The following BRDT variants were observed in gnomAD, a reference collection of about 807,000 sequenced individuals.
BRDT encodes the protein bromodomain testis associated, also known as bromodomain testis-specific protein.
BRDT carries 77 observed loss-of-function variants against 113.9 expected under a neutral mutation model. The observed-to-expected ratio is 0.68, with a 90% CI of 0.56 to 0.82. The LOEUF (loss-of-function observed/expected upper bound fraction) is 0.82, where lower values mean the gene tolerates loss of function less well. BRDT is among the 40% of genes least tolerant of loss of function. BRDT has a pLI of 0.00. For synonymous variants in BRDT, 358 were observed against 366.5 expected (o/e 0.98, Z 0.26); for missense variants, 1,027 against 1,105.4 (o/e 0.93, Z 1.01).
In BRDT at chr1:91,968,147, C is replaced by T; in HGVS notation, c.332C>T (p.Pro111Leu). The change falls in exon 4 of 19, where the codon CCT becomes CTT. Residue 111 changes from proline to leucine, a missense_variant and splice_region_variant. Pro to Leu is a moderately conservative substitution (Grantham distance 98). Transcript: ENST00000399546. The stretch of plus-strand genomic sequence containing the variant: ...TGGTATATTTAATATATTTTGTAGC[C>T]TGGAGATGACATTGTTCTTATGGCA... ...MFSNCYLYNK[P>L]GDDIVLMAQA... 1 of 1,613,590 alleles carries T rather than the reference C, an allele frequency of 6.2e-7. No individual in the cohort carries two copies. Among genetic ancestry groups the T allele is most frequent in the Non-Finnish European group, 8.5e-7 (1 of 1,179,806 alleles).
intron 2 of BRDT, among the ~76,000 whole-genome samples, chr1:91,963,157 C>G (rs1400104682): frequency 6.6e-6 from 1 of 152,120 alleles, no homozygotes; most frequent in Non-Finnish European, 1.5e-5. Flanking sequence ...GACCCCGTCT[C>G]TACTAAAAAT....
intron 3 of BRDT, among the ~76,000 whole-genome samples, chr1:91,965,492 T>G (rs1476961219): frequency 1.3e-5 from 2 of 152,184 alleles, no homozygotes; most frequent in Non-Finnish European, 2.9e-5. Context: ...TATGGACCCC[T>G]GGCCATAACC....
At chr1:91,978,097 A>T in intron 6 of BRDT, 71 bp from the exon 7 acceptor site, 2 of 1,378,638 alleles carry the variant, frequency 1.5e-6, no homozygotes, top group South Asian at 2.7e-5. Flanking sequence ...TAATATGAAC[A>T]TTTAATGTAC....
At chr1:91,967,557 C>T (rs1683199979) in intron 3 of BRDT, among the ~76,000 whole-genome samples, 1 of 152,184 alleles carries the variant, frequency 6.6e-6, no homozygotes, top group African/African-American at 2.4e-5. Context: ...CACCACCACG[C>T]CTGGCTAATT....
chr1:91,953,858 A>G (rs543981883), intron 1 of BRDT, among the ~76,000 whole-genome samples: 1 of 152,316 alleles, frequency 6.6e-6, no homozygotes, highest in East Asian at 1.9e-4. Context: ...GTTTTTGAAC[A>G]GTTGTAATGA....
At chr1:91,987,521 A>G (rs1685363907) in intron 12 of BRDT, among the ~76,000 whole-genome samples, 1 of 151,738 alleles carries the variant, frequency 6.6e-6, no homozygotes, top group East Asian at 2.0e-4. Flanking sequence ...ATTTTTTAGT[A>G]GAGACGGGGT....
chr1:91,968,050 C>T (rs1399553512), intron 3 of BRDT, 96 bp from the exon 4 acceptor site: 16 of 1,240,078 alleles, frequency 1.3e-5, no homozygotes, highest in Non-Finnish European at 1.8e-5. Flanking sequence ...TCTAGGAGTA[C>T]TATGTTACTG....
At position 91,981,025 on chromosome 1, in the gene BRDT, G is replaced by A. The variant is rs1388713302; in HGVS notation, c.1597G>A (p.Val533Ile). Residue 533 changes from valine (V) to isoleucine (I), a missense_variant, in exon 10 of 19, where the codon GTA (valine) becomes ATA (isoleucine). Val to Ile is a conservative substitution (Grantham distance 29, BLOSUM62 3). Transcript: ENST00000399546. Reference protein sequence around the residue: ...NKLPGDKLGRVVHIIQSREPS... With the variant: ...NKLPGDKLGRIVHIIQSREPS... ...ACTCCCTGGAGATAAACTTGGGCGAGTAGTTCACATAATACAATCAAGAGA... is the reference window on the plus strand; with the variant it reads ...ACTCCCTGGAGATAAACTTGGGCGAATAGTTCACATAATACAATCAAGAGA... The A allele has an allele frequency of 6.2e-7, 1 of 1,613,948 alleles. No homozygotes were observed. Among genetic ancestry groups the A allele is most frequent in the Non-Finnish European group, 8.5e-7 (1 of 1,180,016 alleles).
intron 1 of BRDT, among the ~76,000 whole-genome samples, chr1:91,958,772 G>C (rs1250090635): frequency 6.6e-6 from 1 of 152,106 alleles, no homozygotes; most frequent in Non-Finnish European, 1.5e-5. Flanking sequence ...TGTAGAAAAT[G>C]AGGCGGGGAA....
intron 18 of BRDT, among the ~76,000 whole-genome samples, chr1:92,013,237 A>T (rs1458876599): frequency 2.7e-5 from 4 of 150,206 alleles, no homozygotes; most frequent in South Asian, 2.1e-4. Flanking sequence ...AAAAAAGATT[A>T]AAAAAAATGT....
intron 12 of BRDT, among the ~76,000 whole-genome samples, chr1:91,988,591 G>C (rs1226007550): frequency 1.3e-5 from 2 of 151,790 alleles, no homozygotes; most frequent in Non-Finnish European, 2.9e-5. Context: ...GGTAGGCGGG[G>C]GGTTTCACCA....
intron 1 of BRDT, among the ~76,000 whole-genome samples, chr1:91,956,859 C>T (rs553871227): frequency 4.6e-5 from 7 of 152,250 alleles, no homozygotes; most frequent in East Asian, 1.9e-4. Context: ...GGATTGCTTG[C>T]GCCCAGGAGT....
chr1:91,964,308 A>G (rs1428390137), intron 2 of BRDT, among the ~76,000 whole-genome samples: 3 of 152,098 alleles, frequency 2.0e-5, no homozygotes, highest in Non-Finnish European at 4.4e-5. Context: ...TGATCCACCC[A>G]CCTTGGCCTC....
At chr1:91,976,149 AGTATCCTATGC>A in intron 4 of BRDT, 106 bp from the exon 5 acceptor site, 1 of 965,974 alleles carries the variant, frequency 1.0e-6, no homozygotes, top group Non-Finnish European at 1.4e-6. Flanking sequence ...AAATGAAATA[AGTATCCTATGC>A]TTATATTGCT....
intron 1 of BRDT, among the ~76,000 whole-genome samples, chr1:91,957,304 T>TAAC: frequency 6.6e-6 from 1 of 152,180 alleles, no homozygotes; most frequent in African/African-American, 2.4e-5. Context: ...CCATCCTGGC[T>TAAC]AACACGGTGA....
Position 91,964,722 on chromosome 1 carries a change from A to C in BRDT, c.288A>C (p.Glu96Asp). 1 of 1,513,582 alleles carries C rather than the reference A, an allele frequency of 6.6e-7. No individual in the cohort carries two copies. Among genetic ancestry groups the C allele is most frequent in the Non-Finnish European group, 9.0e-7 (1 of 1,110,646 alleles). The allele number at this position is 1,513,582 out of a possible 1,614,324, so 93.8% of individuals were successfully genotyped here. The part of the protein sequence containing the change: ...KYYAKASECI[E>D]DFNTMFSNCY... ...ATGCGAAGGCTTCAGAATGTATAGA[A>C]GACTTCAATACAATGTTCTCAAATT... is the stretch of plus-strand genomic sequence containing the variant. The change falls in exon 3 of 19, where the codon GAA becomes GAC. Residue 96 changes from glutamate (E) to aspartate (D), a missense_variant. Physicochemically the swap from Glu to Asp is conservative, Grantham distance 45. Transcript: ENST00000399546.
chr1:91,958,371 A>T (rs1374429086), intron 1 of BRDT, among the ~76,000 whole-genome samples: 2 of 151,800 alleles, frequency 1.3e-5, no homozygotes, highest in Non-Finnish European at 2.9e-5. Flanking sequence ...GTTCACTGCC[A>T]TGCCCGGCTA....
At chr1:91,968,577 A>G (rs574800821) in intron 4 of BRDT, among the ~76,000 whole-genome samples, 1 of 152,310 alleles carries the variant, frequency 6.6e-6, no homozygotes, top group Non-Finnish European at 1.5e-5. Context: ...TGCTGTACTG[A>G]TAAGAATGCC....
intron 1 of BRDT, among the ~76,000 whole-genome samples, chr1:91,953,016 T>C (rs952988391): frequency 2.0e-5 from 3 of 152,192 alleles, no homozygotes; most frequent in African/African-American, 7.2e-5. Flanking sequence ...GTTTGTTACA[T>C]ATGTATACAT....
Sources: gnomAD v4.1 joint callset for allele counts (sites outside exome capture counted in the v4.1 genomes callset) on GRCh38, gnomAD v4.1.1 for gene constraint, MANE v1.5 for transcripts, NCBI Gene and HGNC (gene_info 2026-07-23, HGNC 2026-07-21) for gene names.